FRMD6: variants seen among roughly 807,000 people sequenced by gnomAD.
The protein encoded by FRMD6 is FERM domain-containing protein 6.
Under a neutral mutation model 73.2 loss-of-function variants are expected in FRMD6, and 37 were observed. The observed-to-expected ratio is 0.51, with a 90% CI of 0.39 to 0.66. FRMD6 has a LOEUF of 0.66. Ranked by LOEUF, FRMD6 falls within the 30% of genes least tolerant of loss-of-function variation. The probability of loss-of-function intolerance (pLI) is 0.00; values close to 1 mark genes in which losing one functional copy is unlikely to be tolerated. For missense variants in FRMD6, 714 were observed against 780.5 expected, an observed-to-expected ratio of 0.91 and a Z score of 1.02; for synonymous variants, 273 against 282.2, an observed-to-expected ratio of 0.97 and a Z score of 0.33.
chr14:51,460,411 A>G, the FRMD6 span, among the ~76,000 whole-genome samples: 2 of 152,354 alleles, frequency 1.3e-5, no homozygotes, highest in Middle Eastern at 3.4e-3. Context: ...TATACCTACA[A>G]TTAACACTTA....
intron 2 of FRMD6, among the ~76,000 whole-genome samples, chr14:51,694,429 C>T (rs951971455): frequency 6.6e-6 from 1 of 152,146 alleles, no homozygotes; most frequent in African/African-American, 2.4e-5. Context: ...GTGGCTAACA[C>T]CTGTAATCCC....
the FRMD6 span, among the ~76,000 whole-genome samples, chr14:51,450,738 C>T: frequency 6.6e-6 from 1 of 152,206 alleles, no homozygotes; most frequent in African/African-American, 2.4e-5. Flanking sequence ...GCCAAACAAA[C>T]CATGACTATG....
intron 2 of FRMD6, among the ~76,000 whole-genome samples, chr14:51,606,149 C>T (rs150936555): frequency 2.0e-5 from 3 of 152,144 alleles, no homozygotes; most frequent in African/African-American, 7.2e-5. Context: ...AAGAATGTGA[C>T]ATCAAGTCTT....
At chr14:51,646,509 G>A (rs1382543306) in intron 2 of FRMD6, among the ~76,000 whole-genome samples, 1 of 151,750 alleles carries the variant, frequency 6.6e-6, no homozygotes, top group Non-Finnish European at 1.5e-5. Flanking sequence ...TTCTTCTTGC[G>A]TATCCTAATG....
At chr14:51,689,022 T>C (rs1392040867) in intron 1 of FRMD6, among the ~76,000 whole-genome samples, 4 of 152,368 alleles carry the variant, frequency 2.6e-5, no homozygotes, top group Admixed American at 2.6e-4. Context: ...TCTTGTTTTA[T>C]CTGTGTATTA....
chr14:51,678,755 C>T lies in FRMD6; in HGVS notation c.-146-10936C>T, dbSNP rs539947867. 1.2e-4 allele frequency among the ~76,000 whole-genome samples: 17 copies of T among 141,368 alleles called. No homozygotes were observed. In the South Asian group the frequency reaches 3.0e-3, roughly 25 times the overall value. 92.7% of individuals were successfully genotyped at this position (141,368 alleles called of 152,430 possible). A position where few individuals can be genotyped will look rare whatever the true frequency, so the allele number is the denominator to read the frequency against. ...GAAAAACTGCTGAGTTGCCTAGGAA[C>T]GTGGAGGCATGCTTCACAGACCAGC... On this transcript the variant is annotated intron_variant, in intron 1 of 13. Transcript: ENST00000344768.
chr14:51,501,623 G>A (rs1332435889), intron 1 of FRMD6, among the ~76,000 whole-genome samples: 1 of 152,054 alleles, frequency 6.6e-6, no homozygotes, highest in Non-Finnish European at 1.5e-5. Flanking sequence ...TATAACTGAT[G>A]GGCATTTAGG....
chr14:51,699,050 T>C (rs1005143347), intron 3 of FRMD6, among the ~76,000 whole-genome samples: 1 of 152,152 alleles, frequency 6.6e-6, no homozygotes, highest in African/African-American at 2.4e-5. Flanking sequence ...GCTTAAGATA[T>C]CTTGGAAATC....
At chr14:51,444,662 G>A in the FRMD6 span, among the ~76,000 whole-genome samples, 2 of 152,252 alleles carry the variant, frequency 1.3e-5, no homozygotes, top group East Asian at 1.9e-4. Context: ...AGGTGAGGTC[G>A]AGAGCCAGCT....
chr14:51,477,627 A>G, the FRMD6 span, among the ~76,000 whole-genome samples: 9 of 152,344 alleles, frequency 5.9e-5, 1 homozygote, highest in African/African-American at 1.9e-4. Context: ...TAAACTTTAA[A>G]TTGGGTAAGC....
chr14:51,510,015 A>G (rs1392750402), intron 1 of FRMD6, among the ~76,000 whole-genome samples: 1 of 152,254 alleles, frequency 6.6e-6, no homozygotes, highest in African/African-American at 2.4e-5. Context: ...TCTTCCCTTC[A>G]GGCCTAGCAC....
At chr14:51,400,454 AC>A in the FRMD6 span, among the ~76,000 whole-genome samples, 6 of 152,146 alleles carry the variant, frequency 3.9e-5, no homozygotes, top group African/African-American at 1.2e-4. Context: ...CTGCATCATT[AC>A]TATTTTCTCC....
At chr14:51,622,617 TAACCAACCCCC>T in intron 2 of FRMD6, among the ~76,000 whole-genome samples, 1 of 152,286 alleles carries the variant, frequency 6.6e-6, no homozygotes, top group Middle Eastern at 3.4e-3. Context: ...AGTCAATCCC[TAACCAACCCCC>T]AACACACATA....
rs1327484781 is a variant in FRMD6, at chr14:51,622,037, C to T, written c.-147+51627C>T. ...CCAGGACTTTTATCCAAGCTATCTT[C>T]CTGCAGCCTTCATCAGTGATACCAC... On this transcript the variant is annotated intron_variant, in intron 2 of 14. Coordinates refer to the FRMD6 transcript ENST00000356218. 2.0e-5 allele frequency among the ~76,000 whole-genome samples: 3 copies of T among 152,210 alleles called. No individual in the cohort carries two copies. The South Asian group carries it at 6.2e-4, about 32-fold the overall frequency.
the FRMD6 span, chr14:51,436,790 G>A: frequency 1.9e-6 from 1 of 534,370 alleles, no homozygotes; most frequent in Non-Finnish European, 3.4e-6. Context: ...TGAAGATGAA[G>A]AAGGAGAAGG....
chr14:51,678,490 A>G (rs1209119423), intron 1 of FRMD6, among the ~76,000 whole-genome samples: 3 of 152,196 alleles, frequency 2.0e-5, no homozygotes, highest in East Asian at 1.9e-4. Context: ...ATATGCAGAA[A>G]ATATTCAAGA....
At chr14:51,414,970 A>G in the FRMD6 span, among the ~76,000 whole-genome samples, 1 of 152,168 alleles carries the variant, frequency 6.6e-6, no homozygotes, top group African/African-American at 2.4e-5. Context: ...ATTGGTGTAT[A>G]GGAATGCTTG....
At chr14:51,428,500 G>A in the FRMD6 span, among the ~76,000 whole-genome samples, 2 of 152,170 alleles carry the variant, frequency 1.3e-5, no homozygotes, top group Non-Finnish European at 2.9e-5. Flanking sequence ...AAGAGGAACT[G>A]TATTTAAAGA....
chr14:51,715,458 A>G lies in FRMD6; in HGVS notation c.983A>G (p.Gln328Arg), dbSNP rs778408355. Residue 328 changes from glutamine (Q) to arginine (R), a missense_variant, in exon 10 of 14, where the codon CAG becomes CGG. Coordinates refer to ENST00000344768, the MANE Select transcript of FRMD6 (RefSeq NM_001267046.2). ...AGCCACCGCCTCTATATGAATCTGCAGCCTGTCCTGCGCCATATCCGGAAG... is the reference window on the plus strand; with the variant it reads ...AGCCACCGCCTCTATATGAATCTGCGGCCTGTCCTGCGCCATATCCGGAAG... ...SNSHRLYMNL[Q>R]PVLRHIRKLE... 6.2e-7 allele frequency: 1 copy of G among 1,613,692 alleles called. No individual in the cohort carries two copies. Among genetic ancestry groups the G allele is most frequent in the East Asian group, 2.2e-5 (1 of 44,858 alleles).
Sources: gnomAD v4.1 joint callset for allele counts (sites outside exome capture counted in the v4.1 genomes callset) on GRCh38, gnomAD v4.1.1 for gene constraint, MANE v1.5 for transcripts, NCBI Gene and HGNC (gene_info 2026-07-23, HGNC 2026-07-21) for gene names.